Variants in ARID5B observed in about 807,000 individuals in gnomAD.
ARID5B encodes the protein AT-rich interactive domain-containing protein 5B.
ARID5B carries 13 observed loss-of-function variants against 97.2 expected under a neutral mutation model. That is an observed-to-expected ratio of 0.13 (90% CI 0.09 to 0.21). The LOEUF is 0.21. Among genes scored for constraint, ARID5B ranks in the 10% least tolerant of loss-of-function variants. The probability of loss-of-function intolerance (pLI) is 1.00; values close to 1 mark genes in which losing one functional copy is unlikely to be tolerated. For missense variants in ARID5B, 1,210 were observed against 1,465.3 expected, an observed-to-expected ratio of 0.83 and a Z score of 2.84; for synonymous variants, 556 against 570.3, an observed-to-expected ratio of 0.97 and a Z score of 0.36.
At chr10:62,041,188 C>A (rs1839633140) in intron 4 of ARID5B, among the ~76,000 whole-genome samples, 1 of 152,212 alleles carries the variant, frequency 6.6e-6, no homozygotes, top group South Asian at 2.1e-4. Context: ...AAGACACACG[C>A]TCTTCTATAC....
intron 3 of ARID5B, among the ~76,000 whole-genome samples, chr10:61,970,023 T>C (rs1206222356): frequency 6.6e-6 from 1 of 152,158 alleles, no homozygotes; most frequent in Non-Finnish European, 1.5e-5. Flanking sequence ...AGAAAAATAG[T>C]TAGCCAATCC....
intron 8 of ARID5B, among the ~76,000 whole-genome samples, chr10:62,077,309 A>T (rs1383819784): frequency 6.6e-6 from 1 of 152,254 alleles, no homozygotes; most frequent in African/African-American, 2.4e-5. Flanking sequence ...AACTCTAGCC[A>T]GACCCTGGAG....
At chr10:62,069,902 T>C in intron 8 of ARID5B, 105 bp downstream of exon 8, 1 of 1,139,002 alleles carries the variant, frequency 8.8e-7, no homozygotes, top group Non-Finnish European at 1.2e-6. Flanking sequence ...TTTGGGAAAC[T>C]GAAAATTTCC....
chr10:62,082,533 C>A (rs186599953), intron 8 of ARID5B, among the ~76,000 whole-genome samples: 1 of 152,260 alleles, frequency 6.6e-6, no homozygotes, highest in African/African-American at 2.4e-5. Flanking sequence ...CTGATAAAAT[C>A]TTTGCTGTGC....
chr10:61,974,467 G>A (rs1314753661), intron 3 of ARID5B, among the ~76,000 whole-genome samples: 2 of 152,088 alleles, frequency 1.3e-5, no homozygotes, highest in African/African-American at 4.8e-5. Context: ...CATGATAAGG[G>A]TATGTGGGAC....
chr10:61,910,643 G>A (rs1843785901), intron 2 of ARID5B, among the ~76,000 whole-genome samples: 1 of 152,152 alleles, frequency 6.6e-6, no homozygotes, highest in African/African-American at 2.4e-5. Flanking sequence ...TGGACTATGA[G>A]CATCAGTATC....
intron 3 of ARID5B, among the ~76,000 whole-genome samples, chr10:61,979,492 C>G (rs1482226579): frequency 2.6e-5 from 4 of 152,156 alleles, no homozygotes; most frequent in Non-Finnish European, 4.4e-5. Context: ...CTAACGTCAT[C>G]ACTCCCAGCC....
At chr10:61,925,151 G>A (rs1844081148) in intron 2 of ARID5B, among the ~76,000 whole-genome samples, 1 of 152,086 alleles carries the variant, frequency 6.6e-6, no homozygotes, top group Non-Finnish European at 1.5e-5. Flanking sequence ...GTTGTAGTGA[G>A]CAGAGATCGC....
intron 3 of ARID5B, among the ~76,000 whole-genome samples, chr10:61,960,890 C>G (rs1838461544): frequency 6.6e-6 from 1 of 152,220 alleles, no homozygotes; most frequent in Non-Finnish European, 1.5e-5. Context: ...CTCTGGATCC[C>G]CAATCTCTAG....
In ARID5B at chr10:62,094,384, C is replaced by G. The variant is rs543533300; in HGVS notation, c.*1354C>G. 2 of 230,422 alleles carry G rather than the reference C, an allele frequency of 8.7e-6. No homozygotes were observed. The highest frequency in any genetic ancestry group is 3.6e-4 in the South Asian group (2 of 5,502). 14.3% of individuals were successfully genotyped at this position (230,422 alleles called of 1,614,324 possible). ...TTCCCAAGAAGAATCTCCCAGGCCACATCTTTGGGGATAACTGACATACTG... is the reference window on the plus strand; with the variant it reads ...TTCCCAAGAAGAATCTCCCAGGCCAGATCTTTGGGGATAACTGACATACTG... On this transcript the variant is annotated 3_prime_UTR_variant, in exon 10 of 10. Coordinates refer to ENST00000279873, the MANE Select transcript of ARID5B (RefSeq NM_032199.3).
chr10:61,997,322 C>T (rs1286025362), intron 3 of ARID5B, among the ~76,000 whole-genome samples: 3 of 151,374 alleles, frequency 2.0e-5, no homozygotes, highest in African/African-American at 4.9e-5. Context: ...GCCAGGGAGC[C>T]GACTCCATCC....
intron 2 of ARID5B, among the ~76,000 whole-genome samples, chr10:61,908,979 C>A (rs548804518): frequency 6.6e-6 from 1 of 152,142 alleles, no homozygotes; most frequent in Non-Finnish European, 1.5e-5. Flanking sequence ...ATTTCTTAAT[C>A]TTTCCGGAAA....
chr10:61,934,329 T>C (rs1254031732), intron 2 of ARID5B, among the ~76,000 whole-genome samples: 1 of 152,234 alleles, frequency 6.6e-6, no homozygotes, highest in Non-Finnish European at 1.5e-5. Flanking sequence ...TTATCATTTG[T>C]ATGCTCACTG....
At chr10:61,969,464 C>T (rs1838593946) in intron 3 of ARID5B, among the ~76,000 whole-genome samples, 1 of 151,988 alleles carries the variant, frequency 6.6e-6, no homozygotes, top group South Asian at 2.1e-4. Flanking sequence ...CAACAAAATT[C>T]CCTTCCTTCA....
intron 4 of ARID5B, among the ~76,000 whole-genome samples, chr10:62,027,000 A>G (rs1463954377): frequency 6.6e-6 from 1 of 152,222 alleles, no homozygotes; most frequent in Non-Finnish European, 1.5e-5. Context: ...CTTTTCCACC[A>G]AAGATGAAAC....
chr10:61,964,310 T>C (rs1156973343), intron 3 of ARID5B, among the ~76,000 whole-genome samples: 1 of 152,140 alleles, frequency 6.6e-6, no homozygotes, highest in Middle Eastern at 3.2e-3. Context: ...CAGCTATTTA[T>C]TAACCTGCAG....
rs1309733155 is a variant in ARID5B, at chr10:62,064,855, C to T, written c.1102-4845C>T. Among the ~76,000 whole-genome samples, 3 of 152,108 alleles carry T rather than the reference C, an allele frequency of 2.0e-5. No individual in the cohort carries two copies. In the East Asian group the frequency reaches 5.8e-4, roughly 29 times the overall value. On this transcript the variant is annotated intron_variant, in intron 7 of 9. Transcript: ENST00000279873. Reference sequence around the variant, plus strand: ...GTGGCATGATCTTGGCTCACTGCATCCTCCGCCTCCCATATTCCAGTGATT... The same window carrying T: ...GTGGCATGATCTTGGCTCACTGCATTCTCCGCCTCCCATATTCCAGTGATT...
intron 3 of ARID5B, among the ~76,000 whole-genome samples, chr10:61,942,821 A>C (rs1000130143): frequency 2.6e-5 from 4 of 151,952 alleles, no homozygotes; most frequent in African/African-American, 9.7e-5. Context: ...CAAAACAAAA[A>C]AGGCTTTTAG....
chr10:62,038,116 G>A (rs1839588482), intron 4 of ARID5B, among the ~76,000 whole-genome samples: 1 of 152,152 alleles, frequency 6.6e-6, no homozygotes, highest in South Asian at 2.1e-4. Flanking sequence ...TCTTCAGTCT[G>A]TTTTAATACC....
Sources: allele counts gnomAD v4.1 joint callset (sites outside exome capture counted in the v4.1 genomes callset), GRCh38; gene constraint gnomAD v4.1.1; transcripts MANE v1.5; gene names NCBI Gene and HGNC (gene_info 2026-07-23, HGNC 2026-07-21).